NOX4: variants seen among roughly 807,000 people sequenced by gnomAD.
The protein encoded by NOX4 is NADPH oxidase 4.
A neutral mutation model predicts 87.6 loss-of-function variants in NOX4; 69 were observed. The ratio of observed to expected loss-of-function variants is 0.79; its 90% confidence interval spans 0.65 to 0.96. The LOEUF is 0.96. Among genes scored for constraint, NOX4 ranks in the 40% least tolerant of loss-of-function variants. NOX4 has a pLI of 0.00. For missense variants in NOX4, 680 were observed against 681.5 expected (o/e 1.00, Z 0.02); for synonymous variants, 275 against 238.2 (o/e 1.15, Z -1.42).
Position 89,423,627 on chromosome 11 carries a change from T to G in NOX4, c.549-1645A>C, listed in dbSNP as rs138452011. ...GTTTAGTAAGGCACATCCCTCCTTT[T>G]ACTCCTCTTTTGAAATATGTACTTG... On this transcript the variant is annotated intron_variant, in intron 7 of 17. Transcript: ENST00000263317. 3.9e-5 allele frequency among the ~76,000 whole-genome samples: 6 copies of G among 152,268 alleles called. No individual in the cohort carries two copies. The East Asian group carries it at 1.2e-3, about 29-fold the overall frequency.
At chr11:89,340,808 A>G (rs1945957368) in intron 14 of NOX4, among the ~76,000 whole-genome samples, 1 of 152,188 alleles carries the variant, frequency 6.6e-6, no homozygotes, top group Admixed American at 6.5e-5. Flanking sequence ...AGGTGTCCAA[A>G]TAACTTGTAA....
chr11:89,586,482 C>A, the NOX4 span, among the ~76,000 whole-genome samples: 1 of 152,062 alleles, frequency 6.6e-6, no homozygotes, highest in Non-Finnish European at 1.5e-5. Context: ...TATAGGCCTG[C>A]CAAACACTAA....
chr11:89,457,152 C>T (rs1945242623), intron 2 of NOX4, among the ~76,000 whole-genome samples: 1 of 152,184 alleles, frequency 6.6e-6, no homozygotes, highest in Non-Finnish European at 1.5e-5. Context: ...TACAGTCTCC[C>T]TCTCCCCATG....
At chr11:89,449,556 A>G (rs750735673) in intron 3 of NOX4, 32 bp from the exon 4 acceptor site, 8 of 1,517,458 alleles carry the variant, frequency 5.3e-6, no homozygotes, top group Non-Finnish European at 7.3e-6. Flanking sequence ...TGGTAAAAAT[A>G]ATGCAACAAA....
chr11:89,432,648 C>G (rs1943865514), intron 7 of NOX4, 136 bp downstream of exon 7: 1 of 582,498 alleles, frequency 1.7e-6, no homozygotes, highest in African/African-American at 1.9e-5. Flanking sequence ...TGTATAGAAA[C>G]AGCTATACTT....
At chr11:89,584,935 C>A in the NOX4 span, among the ~76,000 whole-genome samples, 3 of 152,112 alleles carry the variant, frequency 2.0e-5, no homozygotes, top group East Asian at 5.8e-4. Context: ...GTCTAGCAAT[C>A]CTTGGGATAT....
At chr11:89,404,488 G>A (rs1480454590) in intron 8 of NOX4, among the ~76,000 whole-genome samples, 1 of 152,098 alleles carries the variant, frequency 6.6e-6, no homozygotes, top group Non-Finnish European at 1.5e-5. Context: ...AGTAACTGGG[G>A]TAGTGTTTTA....
chr11:89,463,115 G>T (rs770543534), intron 2 of NOX4, among the ~76,000 whole-genome samples: 12 of 151,826 alleles, frequency 7.9e-5, no homozygotes, highest in Admixed American at 7.9e-4. Context: ...TTAGTAATCA[G>T]ATTCTGTCCA....
At chr11:89,504,760 C>T in the NOX4 span, among the ~76,000 whole-genome samples, 3 of 152,058 alleles carry the variant, frequency 2.0e-5, no homozygotes, top group African/African-American at 7.2e-5. Flanking sequence ...AAACTTTGAG[C>T]ACCTCCAGTT....
At chr11:89,543,286 A>C in the NOX4 span, among the ~76,000 whole-genome samples, 1 of 152,206 alleles carries the variant, frequency 6.6e-6, no homozygotes. Flanking sequence ...AAGACATTTT[A>C]TGTGATCAAT....
chr11:89,491,308 C>T lies in NOX4; in HGVS notation c.-62G>A. 6.7e-7 allele frequency: 1 copy of T among 1,499,942 alleles called. No individual in the cohort carries two copies. Among genetic ancestry groups the T allele is most frequent in the Non-Finnish European group, 9.1e-7 (1 of 1,098,616 alleles). The allele number at this position is 1,499,942 out of a possible 1,614,324, so 92.9% of individuals were successfully genotyped here. On this transcript the variant is annotated 5_prime_UTR_variant, in exon 1 of 18. Transcript: ENST00000263317. ...GGACCGAGAAGGAGCGGGCGGCGGC[C>T]GGGGCAGCGGTTACAGTTGTGCGGC...
At chr11:89,544,948 C>G in the NOX4 span, among the ~76,000 whole-genome samples, 1 of 152,038 alleles carries the variant, frequency 6.6e-6, no homozygotes, top group Non-Finnish European at 1.5e-5. Context: ...AAACAAAAAA[C>G]TCGGTAGCAG....
the NOX4 span, among the ~76,000 whole-genome samples, chr11:89,562,888 G>A: frequency 6.6e-6 from 1 of 152,164 alleles, no homozygotes; most frequent in Non-Finnish European, 1.5e-5. Flanking sequence ...GGGACCTGGT[G>A]GGAGGTAATT....
upstream of NOX4, among the ~76,000 whole-genome samples, chr11:89,493,718 TG>T (rs1269368949): frequency 3.4e-5 from 3 of 88,262 alleles, no homozygotes; most frequent in Admixed American, 1.4e-4. Flanking sequence ...TAAGCCAGAT[TG>T]TTTTATTATT....
intron 2 of NOX4, among the ~76,000 whole-genome samples, chr11:89,481,392 A>G (rs192681844): frequency 2.2e-5 from 3 of 139,092 alleles, no homozygotes; most frequent in Admixed American, 1.4e-4. Context: ...CTGAATGCCT[A>G]TGTACCAAGT....
intron 7 of NOX4, among the ~76,000 whole-genome samples, chr11:89,422,429 A>T (rs1416398081): frequency 6.6e-6 from 1 of 152,190 alleles, no homozygotes; most frequent in East Asian, 1.9e-4. Flanking sequence ...ATAGATGACG[A>T]CCAAAGTGTT....
intron 8 of NOX4, among the ~76,000 whole-genome samples, chr11:89,420,591 A>T (rs1464864300): frequency 6.6e-6 from 1 of 152,146 alleles, no homozygotes; most frequent in Non-Finnish European, 1.5e-5. Flanking sequence ...CTTAATCAGC[A>T]GTCTCTAAAA....
At chr11:89,403,677 G>A (rs1205753285) in intron 8 of NOX4, among the ~76,000 whole-genome samples, 1 of 152,084 alleles carries the variant, frequency 6.6e-6, no homozygotes, top group Non-Finnish European at 1.5e-5. Flanking sequence ...GGGAGGCGGA[G>A]GTTGCGGTGA....
chr11:89,586,280 T>C, the NOX4 span, among the ~76,000 whole-genome samples: 33 of 152,308 alleles, frequency 2.2e-4, no homozygotes, highest in African/African-American at 7.9e-4. Context: ...AGCCTTATAA[T>C]AGTAGCAGTC....
Sources: gnomAD v4.1 joint callset for allele counts (sites outside exome capture counted in the v4.1 genomes callset) on GRCh38, gnomAD v4.1.1 for gene constraint, MANE v1.5 for transcripts, NCBI Gene and HGNC (gene_info 2026-07-23, HGNC 2026-07-21) for gene names.